GAREM1: variants seen among roughly 807,000 people sequenced by gnomAD.
GAREM1 encodes GRB2 associated regulator of MAPK1 subtype 1, also known as GRB2-associated and regulator of MAPK protein 1.
A neutral mutation model predicts 71.3 loss-of-function variants in GAREM1; 26 were observed. The observed-to-expected ratio is 0.36, with a 90% confidence interval of 0.27 to 0.51. The LOEUF is 0.51. GAREM1 is among the 20% of genes least tolerant of loss of function. GAREM1 has a pLI of 0.95. For synonymous variants in GAREM1, 440 were observed against 433.2 expected, an observed-to-expected ratio of 1.02 and a Z score of -0.20; for missense variants, 1,026 against 1,103.1, an observed-to-expected ratio of 0.93 and a Z score of 0.99.
At chr18:32,432,991 A>G (rs2048638161) in intron 1 of GAREM1, among the ~76,000 whole-genome samples, 1 of 152,120 alleles carries the variant, frequency 6.6e-6, no homozygotes. Context: ...GAGTACAGGA[A>G]AAGACAATTA....
chr18:32,470,497 G>C lies in GAREM1; in HGVS notation c.-69C>G, dbSNP rs1291955551. 1.9e-4 allele frequency: 215 copies of C among 1,116,508 alleles called. No individual in the cohort carries two copies. The highest frequency in any genetic ancestry group is 2.3e-4 in the Non-Finnish European group (209 of 905,582). 69.2% of individuals were successfully genotyped at this position (1,116,508 alleles called of 1,614,324 possible). On this transcript the variant is annotated 5_prime_UTR_variant, in exon 1 of 6. Transcript: ENST00000269209. The surrounding 1 kb of genome is among the most constrained non-coding windows in gnomAD (Gnocchi z 4.4). ...CGGCACCACCCGCGCCTCGGCGGCCGCCGCTGCTCGCGCTCGCGGTCTGGG... is the reference window on the plus strand; with the variant it reads ...CGGCACCACCCGCGCCTCGGCGGCCCCCGCTGCTCGCGCTCGCGGTCTGGG...
chr18:32,439,801 A>C lies in GAREM1; in HGVS notation c.121+30507T>G, dbSNP rs373337003. On this transcript the variant is annotated intron_variant, in intron 1 of 5. Coordinates refer to ENST00000269209, the MANE Select transcript of GAREM1 (RefSeq NM_001242409.2). ...CAATCACCCCCTCTAAGTCTCAATC[A>C]GCCACCAACTTCCATTCTGACACAC... Among the ~76,000 whole-genome samples the C allele has an allele frequency of 1.2e-4, 18 of 152,278 alleles. No homozygotes were observed. The East Asian group carries it at 1.9e-3, about 16-fold the overall frequency.
At chr18:32,434,360 C>CT (rs2048654776) in intron 1 of GAREM1, among the ~76,000 whole-genome samples, 3 of 152,048 alleles carry the variant, frequency 2.0e-5, no homozygotes, top group Non-Finnish European at 2.9e-5. Flanking sequence ...AAGCCTAGGG[C>CT]TGTCACTAGT....
Position 32,470,262 on chromosome 18 carries a change from G to A in GAREM1, c.121+46C>T. The A allele has an allele frequency of 1.4e-6, 2 of 1,437,674 alleles. No individual in the cohort carries two copies. The highest frequency in any genetic ancestry group is 1.8e-6 in the Non-Finnish European group (2 of 1,087,776). The allele number at this position is 1,437,674 out of a possible 1,614,324, so 89.1% of individuals were successfully genotyped here. ...GCACACGCGCGCACACCCGCGTGGAGACGGCTGTCCTCGCCCGTCTGCCCC... is the reference window on the plus strand; with the variant it reads ...GCACACGCGCGCACACCCGCGTGGAAACGGCTGTCCTCGCCCGTCTGCCCC... On this transcript the variant is annotated intron_variant, in intron 1 of 5. Transcript: ENST00000269209. This position sits in a 1 kb window ranked among gnomAD's most constrained non-coding sequence, Gnocchi z 4.4.
Position 32,267,498 on chromosome 18 carries a change from T to C in GAREM1, c.*373A>G, listed in dbSNP as rs1396198107. 7.2e-6 allele frequency: 1 copy of C among 139,494 alleles called. No homozygotes were observed. 8.6% of individuals were successfully genotyped at this position (139,494 alleles called of 1,614,324 possible). A position where few individuals can be genotyped will look rare whatever the true frequency, so the allele number is the denominator to read the frequency against. ...CTGAAAGAAGGGACTTGTTCAAAAGTGTTTTTTTTTTTTTTTTAAAGATTT... is the reference window on the plus strand; with the variant it reads ...CTGAAAGAAGGGACTTGTTCAAAAGCGTTTTTTTTTTTTTTTTAAAGATTT... On this transcript the variant is annotated 3_prime_UTR_variant, in exon 6 of 6. Coordinates refer to ENST00000269209, the MANE Select transcript of GAREM1 (RefSeq NM_001242409.2).
At chr18:32,412,464 C>A (rs1271332808) in intron 1 of GAREM1, 1 of 1,591,202 alleles carries the variant, frequency 6.3e-7, no homozygotes, top group African/African-American at 1.3e-5. Flanking sequence ...CCCACTGCCA[C>A]CATATCTACC....
chr18:32,321,589 T>C (rs373823564), intron 2 of GAREM1, among the ~76,000 whole-genome samples: 1 of 152,318 alleles, frequency 6.6e-6, no homozygotes, highest in East Asian at 1.9e-4. Context: ...AATCTCAATA[T>C]CAAAATATGC....
At chr18:32,303,193 G>A (rs529158201) in intron 3 of GAREM1, among the ~76,000 whole-genome samples, 1 of 152,224 alleles carries the variant, frequency 6.6e-6, no homozygotes, top group South Asian at 2.1e-4. Context: ...TAACTAGTTG[G>A]AGCTAAAATA....
chr18:32,391,261 T>C (rs2048194368), intron 2 of GAREM1, among the ~76,000 whole-genome samples: 1 of 152,098 alleles, frequency 6.6e-6, no homozygotes, highest in Admixed American at 6.6e-5. Flanking sequence ...ACGACTAATG[T>C]AGCAAGAGTG....
intron 1 of GAREM1, among the ~76,000 whole-genome samples, chr18:32,454,164 T>G (rs916704397): frequency 2.6e-5 from 4 of 152,070 alleles, no homozygotes; most frequent in African/African-American, 9.7e-5. Flanking sequence ...TTAGATTATC[T>G]CCCACCCTGT....
At chr18:32,294,224 G>A (rs191541019) in intron 3 of GAREM1, among the ~76,000 whole-genome samples, 3 of 152,236 alleles carry the variant, frequency 2.0e-5, no homozygotes, top group African/African-American at 7.2e-5. Context: ...GTATTAAGGG[G>A]TAAGGGACAT....
intron 1 of GAREM1, among the ~76,000 whole-genome samples, chr18:32,462,933 G>A (rs760674030): frequency 3.3e-5 from 5 of 152,126 alleles, no homozygotes; most frequent in East Asian, 1.9e-4. Flanking sequence ...AGAGAAAAGC[G>A]GGGCAACTGG....
At chr18:32,305,573 A>G (rs537463581) in intron 3 of GAREM1, among the ~76,000 whole-genome samples, 2 of 152,236 alleles carry the variant, frequency 1.3e-5, no homozygotes, top group South Asian at 2.1e-4. Context: ...AGGCTGGAGT[A>G]CAGTGGCGCG....
intron 2 of GAREM1, among the ~76,000 whole-genome samples, chr18:32,363,991 T>TACACAA (rs1264680727): frequency 2.0e-5 from 1 of 50,176 alleles, no homozygotes; most frequent in Non-Finnish European, 3.6e-5. Flanking sequence ...TAAATACATA[T>TACACAA]ATACATATAT....
chr18:32,343,311 G>GTTTTTTTTTTGTTTTGTT (rs1390930004), intron 2 of GAREM1, among the ~76,000 whole-genome samples: 2 of 118,886 alleles, frequency 1.7e-5, no homozygotes, highest in African/African-American at 6.7e-5. Flanking sequence ...CTCCCCCACT[G>GTTTTTTTTTTGTTTTGTT]TTTTTTTTTT....
intron 1 of GAREM1, among the ~76,000 whole-genome samples, chr18:32,448,501 A>G (rs1211754388): frequency 6.6e-6 from 1 of 152,152 alleles, no homozygotes; most frequent in East Asian, 1.9e-4. Context: ...TAATCGTAAA[A>G]TGCACTCCTC....
In GAREM1 at chr18:32,348,740, A is replaced by C. The variant is rs975561501; in HGVS notation, c.263-38417T>G. Among the ~76,000 whole-genome samples, 4 of 152,172 alleles carry C rather than the reference A, an allele frequency of 2.6e-5. 1 individual carries two copies. The highest frequency in any genetic ancestry group is 2.6e-4 in the Admixed American group (4 of 15,280). ...AGACTCCATCTCTAAATAAATAAAT[A>C]AATCAAGAAAATTCCCCCTTTCTTT... On this transcript the variant is annotated intron_variant, in intron 2 of 5. Transcript: ENST00000269209.
At chr18:32,293,419 G>A (rs1180711789) in intron 3 of GAREM1, among the ~76,000 whole-genome samples, 1 of 152,172 alleles carries the variant, frequency 6.6e-6, no homozygotes, top group African/African-American at 2.4e-5. Flanking sequence ...GGGACAATTT[G>A]AGCATCACAA....
chr18:32,381,027 C>T (rs756528540), intron 2 of GAREM1, among the ~76,000 whole-genome samples: 12 of 151,662 alleles, frequency 7.9e-5, no homozygotes, highest in African/African-American at 2.9e-4. Context: ...ATTCCTCCTA[C>T]TAGATGCAGA....
Sources: gnomAD v4.1 joint callset for allele counts (sites outside exome capture counted in the v4.1 genomes callset) on GRCh38, gnomAD v4.1.1 for gene constraint, Gnocchi (gnomAD v3.1) non-coding constraint, MANE v1.5 for transcripts, NCBI Gene and HGNC (gene_info 2026-07-23, HGNC 2026-07-21) for gene names.